The following HOOK2 variants were observed in gnomAD, a reference collection of about 807,000 sequenced individuals.
HOOK2 encodes the protein protein Hook homolog 2.
HOOK2 carries 108 observed loss-of-function variants against 111.9 expected under a neutral mutation model. The observed-to-expected ratio is 0.96, with a 90% CI of 0.83 to 1.13. HOOK2 has a LOEUF of 1.13. Among genes scored for constraint, HOOK2 ranks in the 50% most tolerant of loss-of-function variants. The probability of loss-of-function intolerance (pLI) is 0.00; values close to 1 mark genes in which losing one functional copy is unlikely to be tolerated. For synonymous variants in HOOK2, 405 were observed against 394.3 expected, an observed-to-expected ratio of 1.03 and a Z score of -0.32; for missense variants, 978 against 951.3, an observed-to-expected ratio of 1.03 and a Z score of -0.37.
At chr19:12,788,041 C>G (rs1408312891) in intron 3 of HOOK2, among the ~76,000 whole-genome samples, 1 of 152,132 alleles carries the variant, frequency 6.6e-6, no homozygotes, top group Non-Finnish European at 1.5e-5. Flanking sequence ...GGCGACAGAG[C>G]AAGACTCCAT....
rs1968476304 is a variant in HOOK2, at chr19:12,775,520, G to A, written c.-71C>T. On this transcript the variant is annotated 5_prime_UTR_variant, in exon 1 of 23. Transcript: ENST00000397668. ...AGCAGCCTCCGGGTCCGCCACCAGC[G>A]AGCGCCCGCAGCCCCGACCTCCCGC... The A allele has an allele frequency of 1.3e-6, 2 of 1,533,464 alleles. No individual in the cohort carries two copies. Among genetic ancestry groups the A allele is most frequent in the Non-Finnish European group, 1.8e-6 (2 of 1,139,292 alleles). 95.0% of individuals were successfully genotyped at this position (1,533,464 alleles called of 1,614,324 possible).
In HOOK2 at chr19:12,769,955, G is replaced by A. The variant is rs182407230; in HGVS notation, c.1030C>T (p.Arg344Cys). ...LEERNAGHAE[R>C]TRQLEDELRR... ...AGCTCATCCTCCAGTTGTCGCGTGC[G>A]CTCGGCGTGGCCGGCGTTGCGTTCC... The change falls in exon 11 of 23, where the codon CGC (arginine) becomes TGC (cysteine). Residue 344 changes from arginine to cysteine, a missense_variant. Physicochemically the swap from Arg to Cys is radical, Grantham distance 180 (BLOSUM62 -3). This residue lies in a region of HOOK2 where 388 missense variants were observed against 358.3 expected (regional missense o/e 1.08). Coordinates refer to ENST00000397668, the MANE Select transcript of HOOK2 (RefSeq NM_013312.3). 3 of 1,555,294 alleles carry A rather than the reference G, an allele frequency of 1.9e-6. No individual in the cohort carries two copies. The highest frequency in any genetic ancestry group is 2.6e-6 in the Non-Finnish European group (3 of 1,157,490).
chr19:12,777,002 A>C (rs1968534638), upstream of HOOK2, among the ~76,000 whole-genome samples: 1 of 151,094 alleles, frequency 6.6e-6, no homozygotes, highest in Non-Finnish European at 1.5e-5. Context: ...CTAAAAATAC[A>C]AAAAATTAGC....
At position 12,772,674 on chromosome 19, in the gene HOOK2, A is replaced by G; in HGVS notation, c.395T>C (p.Ile132Thr). 11 of 1,614,190 alleles carry G rather than the reference A, an allele frequency of 6.8e-6. No individual in the cohort carries two copies. The highest frequency in any genetic ancestry group is 9.3e-6 in the Non-Finnish European group (11 of 1,180,024). Reference protein sequence around the residue: ...AISCEKKQDHIQRIMTLEESV... With the variant: ...AISCEKKQDHTQRIMTLEESV... ...TTCTTCCAGCGTCATGATTCTCTGG[A>G]TGTGGTCTGGGGATCAAGGTGGGGG... The change falls in exon 6 of 23, where the codon ATC becomes ACC. Residue 132 changes from isoleucine (I) to threonine (T), a missense_variant. This residue lies in a region of HOOK2 where 301 missense variants were observed against 286.1 expected (regional missense o/e 1.05). Coordinates refer to ENST00000397668, the MANE Select transcript of HOOK2 (RefSeq NM_013312.3).
At chr19:12,785,498 G>A (rs895494016) in intron 3 of HOOK2, among the ~76,000 whole-genome samples, 3 of 151,614 alleles carry the variant, frequency 2.0e-5, no homozygotes, top group Admixed American at 6.6e-5. Context: ...CATACACACC[G>A]ACACAAGTTA....
At chr19:12,773,227 G>GTT in intron 3 of HOOK2, 183 bp from the exon 4 acceptor site, 7 of 283,612 alleles carry the variant, frequency 2.5e-5, no homozygotes, top group South Asian at 6.0e-5. Flanking sequence ...GACCATCTTT[G>GTT]TTTCTTTTTT....
rs376144924 is a variant in HOOK2 at position 12,772,258 on chromosome 19, G to A, written c.457-6C>T. 3.1e-6 allele frequency: 5 copies of A among 1,613,882 alleles called. No homozygotes were observed. The highest frequency in any genetic ancestry group is 3.4e-6 in the Non-Finnish European group (4 of 1,179,778). ...GGAGTGTCTTTGGTCATGAGCTGAG[G>A]AGTGGGAAGGGGCATTGTAATGAAC... On this transcript the variant is annotated splice_region_variant and splice_polypyrimidine_tract_variant and intron_variant, in intron 6 of 22. Coordinates refer to ENST00000397668, the MANE Select transcript of HOOK2 (RefSeq NM_013312.3).
At position 12,770,944 on chromosome 19, in the gene HOOK2, A is replaced by G. The variant is rs1261968553; in HGVS notation, c.890T>C (p.Met297Thr). The G allele has an allele frequency of 6.9e-6, 11 of 1,602,642 alleles. No homozygotes were observed. The highest frequency in any genetic ancestry group is 9.4e-6 in the Non-Finnish European group (11 of 1,172,270). ...ACCCACCACTCACCGTAGTTCATCC[A>G]TCTCATCCTTCAGGGCCTGTGCCTC... ...AQEAQALKDE[M>T]DELRQSSERA... Residue 297 changes from methionine to threonine, a missense_variant, in exon 10 of 23, where the codon ATG becomes ACG. This residue lies in a region of HOOK2 where 388 missense variants were observed against 358.3 expected (regional missense o/e 1.08). Coordinates refer to ENST00000397668, the MANE Select transcript of HOOK2 (RefSeq NM_013312.3).
chr19:12,763,517 C>A lies in HOOK2; in HGVS notation c.2010+11G>T. The A allele has an allele frequency of 6.2e-7, 1 of 1,614,190 alleles. No individual in the cohort carries two copies. The highest frequency in any genetic ancestry group is 1.3e-5 in the African/African-American group (1 of 75,050). On this transcript the variant is annotated intron_variant, in intron 22 of 22. Transcript: ENST00000397668. ...ACCCATGAGATCTTAGAGCCCAGAC[C>A]CCACACTTACCATATTATACCAGGC...
At chr19:12,789,756 G>T (rs1290333685) in intron 3 of HOOK2, among the ~76,000 whole-genome samples, 2 of 151,462 alleles carry the variant, frequency 1.3e-5, no homozygotes. Context: ...GGCCTGGCAG[G>T]ACGCAGCCCC....
chr19:12,777,495 T>C (rs986923415), upstream of HOOK2, among the ~76,000 whole-genome samples: 1 of 152,052 alleles, frequency 6.6e-6, no homozygotes, highest in Admixed American at 6.6e-5. Flanking sequence ...AATAAATAAA[T>C]GAATGGATCC....
chr19:12,788,300 CAT>C (rs1460131555), intron 3 of HOOK2, among the ~76,000 whole-genome samples: 8 of 152,178 alleles, frequency 5.3e-5, no homozygotes, highest in African/African-American at 1.9e-4. Flanking sequence ...ATACAAATAA[CAT>C]GCATTTTGCT....
At chr19:12,776,212 G>A (rs1055331475), upstream of HOOK2, among the ~76,000 whole-genome samples, 2 of 151,426 alleles carry the variant, frequency 1.3e-5, no homozygotes, top group Non-Finnish European at 2.9e-5. Flanking sequence ...CTTTATAATC[G>A]GAGCCGTTGT....
upstream of HOOK2, among the ~76,000 whole-genome samples, chr19:12,781,841 GTTTT>G (rs776187814): frequency 6.9e-6 from 1 of 144,764 alleles, no homozygotes; most frequent in Non-Finnish European, 1.5e-5. Context: ...CCCTGTTCCT[GTTTT>G]TTTTTTTTCT....
chr19:12,775,515 C>A lies in HOOK2; in HGVS notation c.-66G>T. ...GCCGCAGCAGCCTCCGGGTCCGCCA[C>A]CAGCGAGCGCCCGCAGCCCCGACCT... On this transcript the variant is annotated 5_prime_UTR_variant, in exon 1 of 23. Transcript: ENST00000397668. 1 of 1,545,094 alleles carries A rather than the reference C, an allele frequency of 6.5e-7. No homozygotes were observed.
At chr19:12,789,938 C>G (rs1269811741) in intron 3 of HOOK2, among the ~76,000 whole-genome samples, 1 of 152,152 alleles carries the variant, frequency 6.6e-6, no homozygotes, top group South Asian at 2.1e-4. Context: ...GGTCCCACCT[C>G]TTCCTGTGCC....
chr19:12,782,418 G>A (rs1568379441), upstream of HOOK2, among the ~76,000 whole-genome samples: 2 of 152,238 alleles, frequency 1.3e-5, no homozygotes, highest in Non-Finnish European at 2.9e-5. Context: ...TGTAGGGGGC[G>A]GGAAGTGGGA....
intron 3 of HOOK2, among the ~76,000 whole-genome samples, chr19:12,788,987 TG>T (rs1379180793): frequency 6.6e-6 from 1 of 151,920 alleles, no homozygotes; most frequent in African/African-American, 2.4e-5. Context: ...ACTGCACTGC[TG>T]GACTTCCCCC....
rs1968720744 is a variant in HOOK2 at position 12,791,846 on chromosome 19, T to C, written n.42-17621A>G. 6.2e-7 allele frequency: 1 copy of C among 1,613,406 alleles called. No individual in the cohort carries two copies. The highest frequency in any genetic ancestry group is 1.1e-5 in the South Asian group (1 of 91,040). ...CTACGGGATACGGCCGGGCCCCTGG[T>C]GGCCTCTCTCTACACGACTACAAAC... On this transcript the variant is annotated intron_variant and non_coding_transcript_variant, in intron 3 of 3. Coordinates refer to the HOOK2 transcript ENST00000589765. The surrounding 1 kb of genome is among the most constrained non-coding windows in gnomAD (Gnocchi z 7.0).
Sources: allele counts gnomAD v4.1 joint callset (sites outside exome capture counted in the v4.1 genomes callset), GRCh38; gene constraint gnomAD v4.1.1; regional missense constraint gnomAD v4.1.1; non-coding constraint Gnocchi (gnomAD v3.1); transcripts MANE v1.5; gene names NCBI Gene and HGNC (gene_info 2026-07-23, HGNC 2026-07-21).